The following HNRNPUL1 variants were observed in gnomAD, a reference collection of about 807,000 sequenced individuals.
HNRNPUL1 encodes heterogeneous nuclear ribonucleoprotein U-like protein 1.
A neutral mutation model predicts 108.5 loss-of-function variants in HNRNPUL1; 14 were observed. The ratio of observed to expected loss-of-function variants is 0.13; its 90% CI spans 0.09 to 0.20. The LOEUF (loss-of-function observed/expected upper bound fraction) is 0.20. Among genes scored for constraint, HNRNPUL1 ranks in the 10% least tolerant of loss-of-function variants. HNRNPUL1 has a pLI of 1.00. For missense variants in HNRNPUL1, 804 were observed against 1,168.3 expected (o/e 0.69, Z 4.55); for synonymous variants, 422 against 445.2 (o/e 0.95, Z 0.66).
intron 10 of HNRNPUL1, among the ~76,000 whole-genome samples, chr19:41,295,634 C>G (rs2036848139): frequency 6.6e-6 from 1 of 152,176 alleles, no homozygotes; most frequent in South Asian, 2.1e-4. Flanking sequence ...TCTTAAGAAC[C>G]TGTGAGTGAG....
intron 7 of HNRNPUL1, among the ~76,000 whole-genome samples, chr19:41,281,519 G>A (rs980175492): frequency 8.6e-5 from 13 of 151,970 alleles, no homozygotes; most frequent in Admixed American, 7.2e-4. Context: ...CTTCAGGTGT[G>A]CATAGCCTTC....
chr19:41,292,182 C>A lies in HNRNPUL1; in HGVS notation c.1000-63C>A. 6.4e-7 allele frequency: 1 copy of A among 1,554,260 alleles called. No individual in the cohort carries two copies. The highest frequency in any genetic ancestry group is 8.8e-7 in the Non-Finnish European group (1 of 1,132,642). On this transcript the variant is annotated intron_variant, in intron 7 of 14. Transcript: ENST00000392006. The surrounding 1 kb of genome is among the most constrained non-coding windows in gnomAD (Gnocchi z 4.1). ...CTACTCCCTGCATCTACTGTCCTCA[C>A]ATTTGACTCCCAGTGCCTATGGCAA...
At chr19:41,271,013 T>C (rs1440827472) in intron 2 of HNRNPUL1, among the ~76,000 whole-genome samples, 5 of 152,172 alleles carry the variant, frequency 3.3e-5, no homozygotes. Flanking sequence ...TTCCTTATCA[T>C]TTGTGCCTTA....
intron 1 of HNRNPUL1, chr19:41,265,449 G>A: frequency 7.3e-7 from 1 of 1,367,800 alleles, no homozygotes; most frequent in Non-Finnish European, 9.7e-7. Context: ...TAGGGGCTGC[G>A]GGAGATTGAA....
chr19:41,265,315 G>A, intron 1 of HNRNPUL1: 1 of 1,313,384 alleles, frequency 7.6e-7, no homozygotes, highest in Admixed American at 2.2e-5. Flanking sequence ...TATGCCGCTG[G>A]ATGCGATCCT....
chr19:41,268,452 T>G (rs2034995694), intron 2 of HNRNPUL1, 107 bp downstream of exon 2: 1 of 1,216,940 alleles, frequency 8.2e-7, no homozygotes, highest in South Asian at 1.6e-5. Context: ...ATCTTTTTTC[T>G]TGGGCAGTTC....
At chr19:41,267,444 T>C (rs1012336204) in intron 1 of HNRNPUL1, among the ~76,000 whole-genome samples, 3 of 152,164 alleles carry the variant, frequency 2.0e-5, no homozygotes, top group Non-Finnish European at 2.9e-5. Flanking sequence ...TATTTCTTCC[T>C]CTCTCCCTTA....
At chr19:41,272,894 G>A (rs1428943486) in intron 3 of HNRNPUL1, among the ~76,000 whole-genome samples, 1 of 152,018 alleles carries the variant, frequency 6.6e-6, no homozygotes, top group Admixed American at 6.6e-5. Flanking sequence ...CCTTCCTTCA[G>A]TTCCTGTCTG....
intron 12 of HNRNPUL1, among the ~76,000 whole-genome samples, chr19:41,303,642 C>G (rs2037373115): frequency 6.6e-6 from 1 of 152,134 alleles, no homozygotes; most frequent in Admixed American, 6.5e-5. Context: ...ATGTGAGCCA[C>G]CGCACCCTGC....
chr19:41,301,506 C>G lies in HNRNPUL1; in HGVS notation c.1519-30C>G, dbSNP rs748921891. The G allele has an allele frequency of 2.5e-6, 4 of 1,594,226 alleles. No individual in the cohort carries two copies. The East Asian group carries it at 6.7e-5, about 27-fold the overall frequency. On this transcript the variant is annotated intron_variant, in intron 10 of 14. Transcript: ENST00000392006. Reference sequence around the variant, plus strand: ...AAAAAACCAACTCTTAATGTACCATCTCTTGCCTCTTCTGTTACCTTACCC... The same window carrying G: ...AAAAAACCAACTCTTAATGTACCATGTCTTGCCTCTTCTGTTACCTTACCC...
At chr19:41,263,614 T>C (rs2122323988), upstream of HNRNPUL1, among the ~76,000 whole-genome samples, 1 of 152,338 alleles carries the variant, frequency 6.6e-6, no homozygotes, top group East Asian at 1.9e-4. Context: ...ACTCAAAATT[T>C]TGCTTTTCCT....
At chr19:41,272,873 C>T (rs1328793289) in intron 3 of HNRNPUL1, among the ~76,000 whole-genome samples, 1 of 152,126 alleles carries the variant, frequency 6.6e-6, no homozygotes, top group Admixed American at 6.6e-5. Flanking sequence ...AAGTCCTTCC[C>T]TTCCCTCCTT....
chr19:41,303,094 C>T lies in HNRNPUL1; in HGVS notation c.1972+145C>T, dbSNP rs139135912. ...TAGAAAACTTGAAACAAGTCAGACA[C>T]GGAGACCTCAGAAACGCTCCCACTT... On this transcript the variant is annotated intron_variant, in intron 12 of 14. Coordinates refer to ENST00000392006, the MANE Select transcript of HNRNPUL1 (RefSeq NM_007040.6). The T allele has an allele frequency of 1.8e-4, 169 of 945,158 alleles. 2 individuals are homozygous for T. In the East Asian group the frequency reaches 2.4e-3, roughly 13 times the overall value. 58.5% of individuals were successfully genotyped at this position (945,158 alleles called of 1,614,324 possible).
chr19:41,267,610 G>T (rs567103562), intron 1 of HNRNPUL1, among the ~76,000 whole-genome samples: 14 of 152,304 alleles, frequency 9.2e-5, no homozygotes, highest in Admixed American at 9.1e-4. Context: ...CTCTGAGAAG[G>T]AATCCGATCA....
chr19:41,295,594 T>C (rs145865487), intron 10 of HNRNPUL1, among the ~76,000 whole-genome samples: 32 of 152,346 alleles, frequency 2.1e-4, no homozygotes, highest in African/African-American at 7.7e-4. Flanking sequence ...TGAATGAGCC[T>C]CTGTTCCCTT....
chr19:41,276,419 C>A, intron 5 of HNRNPUL1, 121 bp downstream of exon 5: 1 of 1,077,240 alleles, frequency 9.3e-7, no homozygotes, highest in Non-Finnish European at 1.3e-6. Flanking sequence ...ATACCATGTC[C>A]AAGCAGACAA....
intron 7 of HNRNPUL1, among the ~76,000 whole-genome samples, chr19:41,287,201 A>G (rs2036285065): frequency 6.6e-6 from 1 of 151,896 alleles, no homozygotes; most frequent in Non-Finnish European, 1.5e-5. Flanking sequence ...TTTTTAGTAG[A>G]GACAGGGTTT....
intron 8 of HNRNPUL1, among the ~76,000 whole-genome samples, chr19:41,293,502 C>A (rs1459970424): frequency 6.6e-6 from 1 of 152,206 alleles, no homozygotes; most frequent in African/African-American, 2.4e-5. Flanking sequence ...CGCCACTCCC[C>A]CCTAGTCGGG....
intron 2 of HNRNPUL1, among the ~76,000 whole-genome samples, chr19:41,268,716 G>C (rs1295560398): frequency 3.3e-5 from 5 of 152,062 alleles, no homozygotes; most frequent in Non-Finnish European, 7.4e-5. Context: ...AAATTAGCCA[G>C]GCATGGTGGC....
Sources: gnomAD v4.1 joint callset for allele counts (sites outside exome capture counted in the v4.1 genomes callset) on GRCh38, gnomAD v4.1.1 for gene constraint, Gnocchi (gnomAD v3.1) non-coding constraint, MANE v1.5 for transcripts, NCBI Gene and HGNC (gene_info 2026-07-23, HGNC 2026-07-21) for gene names.